CPAP: variants seen among roughly 807,000 people sequenced by gnomAD.
The protein encoded by CPAP is centrosomal P4.1-associated protein.
chr13:24,892,905 T>C, the CPAP span: 5 of 1,362,422 alleles, frequency 3.7e-6, no homozygotes, highest in African/African-American at 7.2e-5. Flanking sequence ...AAACCATTAC[T>C]ACATTACCAG....
chr13:24,886,163 C>A, the CPAP span: 1 of 499,858 alleles, frequency 2.0e-6, no homozygotes, highest in Non-Finnish European at 3.6e-6. Context: ...AGGTGAATCT[C>A]TCTCTAAAAA....
chr13:24,923,468 T>C, the CPAP span, among the ~76,000 whole-genome samples: 2 of 152,124 alleles, frequency 1.3e-5, no homozygotes, highest in Non-Finnish European at 2.9e-5. Context: ...GCAGAGTGTG[T>C]CCATTAGATT....
chr13:24,929,681 C>T, the CPAP span, among the ~76,000 whole-genome samples: 1 of 152,074 alleles, frequency 6.6e-6, no homozygotes, highest in South Asian at 2.1e-4. Flanking sequence ...ACTTTGGGGC[C>T]ACTGTTTCTT....
At chr13:24,900,928 A>G in the CPAP span, among the ~76,000 whole-genome samples, 2 of 152,174 alleles carry the variant, frequency 1.3e-5, no homozygotes, top group Non-Finnish European at 2.9e-5. Flanking sequence ...AGGGAAGAAG[A>G]AGAGAAGAGT....
the CPAP span, chr13:24,906,858 T>C: frequency 6.2e-7 from 1 of 1,614,242 alleles, no homozygotes; most frequent in Non-Finnish European, 8.5e-7. Context: ...TCTTTGCCTT[T>C]TTGAAACTTA....
At chr13:24,908,545 A>G in the CPAP span, among the ~76,000 whole-genome samples, 2 of 151,796 alleles carry the variant, frequency 1.3e-5, no homozygotes, top group East Asian at 1.9e-4. Context: ...GTAAGCCAAG[A>G]TGGTGCCACT....
the CPAP span, among the ~76,000 whole-genome samples, chr13:24,907,564 T>C: frequency 2.3e-4 from 35 of 150,316 alleles, no homozygotes; most frequent in Non-Finnish European, 3.7e-4. Flanking sequence ...AGAAAAGTCA[T>C]TTTGTCCATA....
chr13:24,929,651 A>G, the CPAP span, among the ~76,000 whole-genome samples: 1 of 152,118 alleles, frequency 6.6e-6, no homozygotes, highest in East Asian at 1.9e-4. Flanking sequence ...GTGTTACATT[A>G]TGTCTTTTAT....
chr13:24,928,010 T>C, the CPAP span, among the ~76,000 whole-genome samples: 2 of 152,340 alleles, frequency 1.3e-5, no homozygotes, highest in African/African-American at 4.8e-5. Flanking sequence ...CCGTTGATCA[T>C]TCACACACGT....
chr13:24,922,113 T>G, the CPAP span, among the ~76,000 whole-genome samples: 1 of 152,192 alleles, frequency 6.6e-6, no homozygotes, highest in Admixed American at 6.5e-5. Context: ...TGTATAGCAA[T>G]TATACCTCAA....
the CPAP span, chr13:24,909,721 G>C: frequency 4.3e-6 from 6 of 1,403,148 alleles, no homozygotes; most frequent in East Asian, 1.4e-4. Context: ...GAAAAAACAT[G>C]GAAAGGCTTC....
chr13:24,899,115 A>C, the CPAP span, among the ~76,000 whole-genome samples: 1 of 152,218 alleles, frequency 6.6e-6, no homozygotes, highest in Non-Finnish European at 1.5e-5. Context: ...TGGTAGGTCA[A>C]AAAGATTAAC....
the CPAP span, among the ~76,000 whole-genome samples, chr13:24,921,908 A>T: frequency 6.6e-6 from 1 of 152,132 alleles, no homozygotes. Context: ...CATGAAGTAT[A>T]AAAAAAGCGT....
the CPAP span, among the ~76,000 whole-genome samples, chr13:24,930,378 G>A: frequency 6.6e-6 from 1 of 152,036 alleles, no homozygotes. Flanking sequence ...TATAATTTGT[G>A]TTGCTGAGGT....
chr13:24,905,568 T>A, the CPAP span: 77 of 1,614,220 alleles, frequency 4.8e-5, no homozygotes, highest in African/African-American at 9.6e-4. Flanking sequence ...GGGTAGCATG[T>A]CTGCGGCGTC....
At chr13:24,914,805 AAC>A in the CPAP span, among the ~76,000 whole-genome samples, 3 of 152,088 alleles carry the variant, frequency 2.0e-5, no homozygotes, top group Non-Finnish European at 4.4e-5. Context: ...CGGGTGTGGT[AAC>A]TCACGCCATA....
chr13:24,907,019 A>G, the CPAP span: 1 of 1,598,970 alleles, frequency 6.3e-7, no homozygotes, highest in Non-Finnish European at 8.6e-7. Context: ...TCTCAAAGTT[A>G]TTTTTAAGGC....
chr13:24,895,938 T>C, the CPAP span, among the ~76,000 whole-genome samples: 864 of 152,268 alleles, frequency 5.7e-3, 1 homozygote, highest in South Asian at 0.015. Flanking sequence ...CAAAATAAAA[T>C]AGTTAATATT....
At chr13:24,883,316 G>T in the CPAP span, 2 of 1,613,696 alleles carry the variant, frequency 1.2e-6, no homozygotes, top group Non-Finnish European at 1.7e-6. Flanking sequence ...CTTGAACTGG[G>T]CAGTATGTAG....
Sources: gnomAD v4.1 joint callset for allele counts (sites outside exome capture counted in the v4.1 genomes callset) on GRCh38, gnomAD v4.1.1 for gene constraint, MANE v1.5 for transcripts, NCBI Gene and HGNC (gene_info 2026-07-23, HGNC 2026-07-21) for gene names.